LRMDA: variants seen among roughly 807,000 people sequenced by gnomAD.
LRMDA encodes leucine rich melanocyte differentiation associated.
LRMDA carries 18 observed loss-of-function variants against 29.8 expected under a neutral mutation model. That is an observed-to-expected ratio of 0.60 (90% confidence interval 0.42 to 0.90). The LOEUF is 0.90. LRMDA is among the 40% of genes least tolerant of loss of function. The pLI is 0.00. For missense variants in LRMDA, 273 were observed against 273.9 expected (o/e 1.00, Z 0.02); for synonymous variants, 125 against 109.4 (o/e 1.14, Z -0.89).
At chr10:75,843,979 G>T (rs974824844) in intron 2 of LRMDA, among the ~76,000 whole-genome samples, 3 of 152,078 alleles carry the variant, frequency 2.0e-5, no homozygotes, top group Admixed American at 6.5e-5. Context: ...GGCCCTTCTC[G>T]CTGGGCTGTG....
At chr10:76,381,251 CA>C (rs1841588747) in intron 6 of LRMDA, among the ~76,000 whole-genome samples, 2 of 152,032 alleles carry the variant, frequency 1.3e-5, no homozygotes, top group South Asian at 4.2e-4. Flanking sequence ...CAGTAATTCT[CA>C]AAACATTTGT....
intron 2 of LRMDA, among the ~76,000 whole-genome samples, chr10:76,015,000 T>C (rs1326676110): frequency 6.6e-6 from 1 of 152,232 alleles, no homozygotes; most frequent in African/African-American, 2.4e-5. Context: ...TATATGTAAA[T>C]GTAAAGCAAC....
intron 3 of LRMDA, among the ~76,000 whole-genome samples, chr10:76,045,274 C>A (rs1446374689): frequency 6.8e-6 from 1 of 146,354 alleles, no homozygotes; most frequent in East Asian, 2.1e-4. Flanking sequence ...GCTAGTTTCC[C>A]CCTCTCTGGT....
chr10:76,114,885 C>A (rs75855144), intron 5 of LRMDA, among the ~76,000 whole-genome samples: 2 of 152,200 alleles, frequency 1.3e-5, no homozygotes, highest in Non-Finnish European at 2.9e-5. Context: ...GCTTGTCCCC[C>A]CTGAAGCTCA....
intron 2 of LRMDA, among the ~76,000 whole-genome samples, chr10:76,006,259 TG>T (rs1224201018): frequency 2.6e-5 from 4 of 152,294 alleles, no homozygotes; most frequent in African/African-American, 9.6e-5. Flanking sequence ...TGGAGCTCCC[TG>T]TGCGGCGGCT....
chr10:76,172,083 G>A (rs1850849364), intron 5 of LRMDA, among the ~76,000 whole-genome samples: 1 of 152,126 alleles, frequency 6.6e-6, no homozygotes, highest in African/African-American at 2.4e-5. Context: ...GCAACCCACG[G>A]CTCTCAAGGG....
chr10:75,792,310 G>T (rs1843582175), intron 2 of LRMDA, among the ~76,000 whole-genome samples: 3 of 151,880 alleles, frequency 2.0e-5, no homozygotes, highest in Non-Finnish European at 4.4e-5. Flanking sequence ...TGTCACCCAG[G>T]CTGGAGTGCA....
At chr10:75,641,426 ATAT>A (rs1167439514) in intron 2 of LRMDA, among the ~76,000 whole-genome samples, 1 of 150,842 alleles carries the variant, frequency 6.6e-6, no homozygotes, top group Non-Finnish European at 1.5e-5. Flanking sequence ...ATATATACAG[ATAT>A]TATTGAAGTT....
chr10:75,832,841 A>AC (rs1413161266), intron 2 of LRMDA, among the ~76,000 whole-genome samples: 1 of 152,142 alleles, frequency 6.6e-6, no homozygotes, highest in African/African-American at 2.4e-5. Flanking sequence ...ATCTCGTGAG[A>AC]CCCATTCACT....
intron 6 of LRMDA, among the ~76,000 whole-genome samples, chr10:76,444,867 A>G (rs1173439244): frequency 1.3e-5 from 2 of 152,186 alleles, no homozygotes; most frequent in Non-Finnish European, 2.9e-5. Flanking sequence ...ATATGTGCAT[A>G]TATTTGTAAT....
chr10:76,466,913 G>C (rs1842570322), intron 6 of LRMDA, among the ~76,000 whole-genome samples: 1 of 152,230 alleles, frequency 6.6e-6, no homozygotes, highest in Non-Finnish European at 1.5e-5. Context: ...AAAGTCTCCA[G>C]TGTCCATCCT....
At chr10:76,208,925 G>C (rs576250861) in intron 5 of LRMDA, among the ~76,000 whole-genome samples, 10 of 152,192 alleles carry the variant, frequency 6.6e-5, no homozygotes, top group African/African-American at 2.4e-4. Flanking sequence ...AGGCCGAGGA[G>C]GGCGGATCAC....
At chr10:76,252,083 GT>G (rs1353158652) in intron 5 of LRMDA, among the ~76,000 whole-genome samples, 1 of 152,172 alleles carries the variant, frequency 6.6e-6, no homozygotes, top group Non-Finnish European at 1.5e-5. Flanking sequence ...TAACATATTA[GT>G]TTGATGGACA....
chr10:75,766,123 G>T (rs1327438909), intron 2 of LRMDA, among the ~76,000 whole-genome samples: 1 of 152,176 alleles, frequency 6.6e-6, no homozygotes, highest in East Asian at 1.9e-4. Flanking sequence ...TTGGAGGGTT[G>T]GGTGTTCACC....
intron 2 of LRMDA, among the ~76,000 whole-genome samples, chr10:75,650,938 G>A (rs536486406): frequency 6.6e-6 from 1 of 152,172 alleles, no homozygotes; most frequent in South Asian, 2.1e-4. Context: ...GCATCAAAGG[G>A]CAGCCTACTC....
At chr10:75,859,413 G>A (rs1312704743) in intron 2 of LRMDA, among the ~76,000 whole-genome samples, 2 of 152,108 alleles carry the variant, frequency 1.3e-5, no homozygotes, top group African/African-American at 4.8e-5. Flanking sequence ...GCAGTCTCTT[G>A]GGTATGACAT....
intron 2 of LRMDA, among the ~76,000 whole-genome samples, chr10:75,771,222 T>C (rs1033398783): frequency 6.6e-6 from 1 of 151,810 alleles, no homozygotes; most frequent in Non-Finnish European, 1.5e-5. Flanking sequence ...ACAGCAGATA[T>C]TGGCTCACTC....
chr10:76,557,659 T>G lies in LRMDA; in HGVS notation c.*371T>G. ...GGCCTCCCTGGACATGCTCAGTGGCTGCAGTCAAGTGAGAAAGACTGTCCT... is the reference window on the plus strand; with the variant it reads ...GGCCTCCCTGGACATGCTCAGTGGCGGCAGTCAAGTGAGAAAGACTGTCCT... On this transcript the variant is annotated 3_prime_UTR_variant, in exon 7 of 7. Coordinates refer to ENST00000611255, the MANE Select transcript of LRMDA (RefSeq NM_001305581.2). 1 of 247,484 alleles carries G rather than the reference T, an allele frequency of 4.0e-6. No homozygotes were observed. Among genetic ancestry groups the G allele is most frequent in the Non-Finnish European group, 7.8e-6 (1 of 128,444 alleles). The allele number at this position is 247,484 out of a possible 1,614,324, so 15.3% of individuals were successfully genotyped here.
intron 2 of LRMDA, among the ~76,000 whole-genome samples, chr10:75,544,926 A>G (rs1320765711): frequency 6.6e-6 from 1 of 152,170 alleles, no homozygotes; most frequent in East Asian, 1.9e-4. Context: ...ATCTCATTTA[A>G]TTATTTGATT....
Sources: allele counts gnomAD v4.1 joint callset (sites outside exome capture counted in the v4.1 genomes callset), GRCh38; gene constraint gnomAD v4.1.1; transcripts MANE v1.5; gene names NCBI Gene and HGNC (gene_info 2026-07-23, HGNC 2026-07-21).